Variants in IFRD1 observed in about 807,000 individuals in gnomAD.
IFRD1 encodes the protein interferon-related developmental regulator 1.
A neutral mutation model predicts 52.9 loss-of-function variants in IFRD1; 35 were observed. The observed-to-expected ratio is 0.66, with a 90% CI of 0.51 to 0.88. The LOEUF (loss-of-function observed/expected upper bound fraction) is 0.88, where lower values mean the gene tolerates loss of function less well. Among genes scored for constraint, IFRD1 ranks in the 40% least tolerant of loss-of-function variants. The probability of loss-of-function intolerance (pLI) is 0.00; values close to 1 mark genes in which losing one functional copy is unlikely to be tolerated. For missense variants in IFRD1, 517 were observed against 550.8 expected (o/e 0.94, Z 0.61); for synonymous variants, 184 against 188.4 (o/e 0.98, Z 0.19).
intron 1 of IFRD1, among the ~76,000 whole-genome samples, chr7:112,445,062 CTTTTTTTTTTTT>C (rs3057810): frequency 2.9e-5 from 3 of 102,676 alleles, no homozygotes; most frequent in Admixed American, 1.1e-4. Context: ...CCTAGGCTTT[CTTTTTTTTTTTT>C]TTTTTTTTTT....
chr7:112,463,445 G>A (rs3128388), intron 8 of IFRD1, among the ~76,000 whole-genome samples: 39,884 of 151,968 alleles, frequency 0.26, 5,449 homozygotes, highest in Middle Eastern at 0.45. Flanking sequence ...GAAGTTTACA[G>A]TCTTAAAATT....
Position 112,445,309 on chromosome 7 carries a change from G to A in IFRD1, c.-181-5199G>A, listed in dbSNP as rs188207576. Among the ~76,000 whole-genome samples the A allele has an allele frequency of 2.3e-3, 354 of 151,992 alleles. 3 individuals carry two copies. The highest frequency in any genetic ancestry group is 6.2e-3 in the African/African-American group (258 of 41,444). On this transcript the variant is annotated intron_variant, in intron 1 of 12. Transcript: ENST00000005558. ...TCTCGATCTCCTGACCTTGTGATCC[G>A]CCCACCTTGGCCTCCCAGAGTGCTA...
intron 11 of IFRD1, among the ~76,000 whole-genome samples, 183 bp downstream of exon 11, chr7:112,473,044 GTGTGTGTGTGTGTGTGTGTGTGTA>G (rs746817005): frequency 0.28 from 34,363 of 120,972 alleles, 3,974 homozygotes; most frequent in Middle Eastern, 0.5. Context: ...GTGTGTGTGT[GTGTGTGTGTGTGTGTGTGTGTGTA>G]TATATGTGTC....
chr7:112,427,115 C>T (rs902494803), intron 1 of IFRD1, among the ~76,000 whole-genome samples: 2 of 152,206 alleles, frequency 1.3e-5, no homozygotes, highest in Non-Finnish European at 2.9e-5. Context: ...AGAGCTGTCT[C>T]AGATACTTTT....
At chr7:112,465,362 T>A (rs1795581867) in intron 8 of IFRD1, among the ~76,000 whole-genome samples, 1 of 152,256 alleles carries the variant, frequency 6.6e-6, no homozygotes, top group Non-Finnish European at 1.5e-5. Context: ...CATCTCACCC[T>A]GTCTGCCTAA....
intron 8 of IFRD1, among the ~76,000 whole-genome samples, chr7:112,463,695 G>A (rs1795523388): frequency 6.6e-6 from 1 of 152,006 alleles, no homozygotes; most frequent in Admixed American, 6.6e-5. Flanking sequence ...GGCCAGAAAT[G>A]GCAGTTTCTT....
intron 1 of IFRD1, among the ~76,000 whole-genome samples, chr7:112,434,028 C>T (rs1314640728): frequency 6.6e-6 from 1 of 151,998 alleles, no homozygotes; most frequent in African/African-American, 2.4e-5. Context: ...CGCCGTGTTG[C>T]CCAGGCTGGT....
chr7:112,436,834 T>C (rs1467656205), intron 1 of IFRD1, among the ~76,000 whole-genome samples: 2 of 152,154 alleles, frequency 1.3e-5, no homozygotes, highest in Non-Finnish European at 2.9e-5. Context: ...AGATACTTGA[T>C]TAAGGTCTTA....
In IFRD1 at chr7:112,423,986, A is replaced by G. The variant is rs1045741235; in HGVS notation, c.-182+554A>G. ...GCAGAGTCCAGTTAACGAGAGCGGG[A>G]TCTGTTATAAAGAAAGTGATTTATT... On this transcript the variant is annotated intron_variant, in intron 1 of 12. Coordinates refer to the IFRD1 transcript ENST00000005558. Among the ~76,000 whole-genome samples the G allele has an allele frequency of 4.6e-5, 7 of 152,304 alleles. No individual in the cohort carries two copies. The East Asian group carries it at 1.4e-3, about 29-fold the overall frequency.
chr7:112,460,589 G>C (rs1001480947), intron 5 of IFRD1, among the ~76,000 whole-genome samples: 1 of 152,066 alleles, frequency 6.6e-6, no homozygotes, highest in Non-Finnish European at 1.5e-5. Flanking sequence ...TCATCAAAAG[G>C]AACGATGTAG....
At chr7:112,455,579 G>A (rs3801795) in intron 1 of IFRD1, among the ~76,000 whole-genome samples, 184 bp from the exon 2 acceptor site, 53,237 of 152,048 alleles carry the variant, frequency 0.35, 10,353 homozygotes, top group East Asian at 0.8. Context: ...TTTGAAATAC[G>A]TAATTAGGTG....
chr7:112,450,311 G>T (rs1795118559), upstream of IFRD1: 2 of 237,022 alleles, frequency 8.4e-6, no homozygotes, highest in South Asian at 4.4e-5. Flanking sequence ...TGGCCGCATG[G>T]GATTTGTAGG....
chr7:112,462,311 TA>T lies in IFRD1; in HGVS notation c.842del (p.Asn281ThrfsTer2). 1.2e-6 allele frequency: 2 copies of T among 1,613,784 alleles called. No individual in the cohort carries two copies. Among genetic ancestry groups the T allele is most frequent in the Non-Finnish European group, 1.7e-6 (2 of 1,179,762 alleles). ...CCAAGCCTCCTCTCTTGTGATGATG[TA>T]AACATGAGAATAGCTGCTGGTGAAT... ...KLPSLLSCDD[V>X]NMRIAAGESL... On this transcript the variant is annotated frameshift_variant, in exon 8 of 12. Coordinates refer to ENST00000403825, the MANE Select transcript of IFRD1 (RefSeq NM_001550.4). LOFTEE classifies it high-confidence loss of function.
rs778277932 is a variant in IFRD1 at position 112,462,290 on chromosome 7, G to A, written c.818G>A (p.Ser273Asn). 1.2e-6 allele frequency: 2 copies of A among 1,613,684 alleles called. No individual in the cohort carries two copies. The highest frequency in any genetic ancestry group is 2.2e-5 in the South Asian group (2 of 91,074). ...TTTAGGCATTTCCATAAGCTTCCAAGCCTCCTCTCTTGTGATGATGTAAAC... is the reference window on the plus strand; with the variant it reads ...TTTAGGCATTTCCATAAGCTTCCAAACCTCCTCTCTTGTGATGATGTAAAC... ...KLEMHFHKLP[S>N]LLSCDDVNMR... Residue 273 changes from serine to asparagine, a missense_variant, in exon 8 of 12, where the codon AGC (serine) becomes AAC (asparagine). Ser to Asn is a conservative substitution (Grantham distance 46, BLOSUM62 1). Transcript: ENST00000403825.
chr7:112,457,091 T>C (rs1305453005), intron 4 of IFRD1, 53 bp downstream of exon 4: 1 of 1,586,714 alleles, frequency 6.3e-7, no homozygotes, highest in African/African-American at 1.3e-5. Flanking sequence ...GAGTGTGTTA[T>C]CTTCTTTTCA....
intron 1 of IFRD1, among the ~76,000 whole-genome samples, chr7:112,425,765 C>G (rs1794415197): frequency 6.6e-6 from 1 of 152,122 alleles, no homozygotes; most frequent in Non-Finnish European, 1.5e-5. Flanking sequence ...CTGGAGAACC[C>G]TGACTAATAC....
At chr7:112,428,384 G>A (rs1013506800) in intron 1 of IFRD1, among the ~76,000 whole-genome samples, 3 of 152,220 alleles carry the variant, frequency 2.0e-5, no homozygotes, top group Admixed American at 2.0e-4. Context: ...GGTAAACAGG[G>A]TGGAAACAGG....
chr7:112,440,196 G>T (rs1026358573), intron 1 of IFRD1, among the ~76,000 whole-genome samples: 4 of 152,132 alleles, frequency 2.6e-5, no homozygotes, highest in Non-Finnish European at 5.9e-5. Context: ...TGTTGGCTAG[G>T]CTAGTCTCGA....
intron 1 of IFRD1, among the ~76,000 whole-genome samples, chr7:112,454,857 GTTTTTTTTTTTTTTTTT>G (rs398005875): frequency 1.3e-5 from 1 of 78,810 alleles, no homozygotes; most frequent in Non-Finnish European, 2.3e-5. Flanking sequence ...CTTCATATCA[GTTTTTTTTTTTTTTTTT>G]TTTTTTTTTT....
Sources: gnomAD v4.1 joint callset for allele counts (sites outside exome capture counted in the v4.1 genomes callset) on GRCh38, gnomAD v4.1.1 for gene constraint, MANE v1.5 for transcripts, NCBI Gene and HGNC (gene_info 2026-07-23, HGNC 2026-07-21) for gene names.